The following KIAA0586 variants were observed in gnomAD, a reference collection of about 807,000 sequenced individuals.
KIAA0586 encodes the protein protein TALPID3.
In KIAA0586, 144 loss-of-function variants were observed where a neutral mutation model predicts 169.8. The observed-to-expected ratio is 0.85, with a 90% CI of 0.74 to 0.97. The LOEUF (loss-of-function observed/expected upper bound fraction) is 0.97, where lower values mean the gene tolerates loss of function less well. Ranked by LOEUF, KIAA0586 falls within the 50% of genes least tolerant of loss-of-function variation. The pLI is 0.00. For missense variants in KIAA0586, 1,854 were observed against 1,823.0 expected, an observed-to-expected ratio of 1.02 and a Z score of -0.31; for synonymous variants, 625 against 612.4, an observed-to-expected ratio of 1.02 and a Z score of -0.30.
chr14:58,448,643 T>TA (rs397731357), intron 7 of KIAA0586, 150 bp downstream of exon 7: 4 of 490,126 alleles, frequency 8.2e-6, no homozygotes, highest in Admixed American at 4.0e-5. Context: ...ACAATTTTTT[T>TA]AAATGTTCTT....
At chr14:58,443,277 G>A (rs2038563466) in intron 5 of KIAA0586, among the ~76,000 whole-genome samples, 1 of 152,220 alleles carries the variant, frequency 6.6e-6, no homozygotes, top group Non-Finnish European at 1.5e-5. Context: ...AGTCTAGAAC[G>A]AGTAAGTGAC....
intron 6 of KIAA0586, among the ~76,000 whole-genome samples, chr14:58,447,160 T>C (rs1312769094): frequency 1.3e-5 from 2 of 152,202 alleles, no homozygotes; most frequent in African/African-American, 4.8e-5. Flanking sequence ...GTTCAGTAAA[T>C]GCTTAATGAA....
intron 12 of KIAA0586, among the ~76,000 whole-genome samples, chr14:58,459,464 C>T (rs560831214): frequency 6.6e-6 from 1 of 152,138 alleles, no homozygotes; most frequent in East Asian, 1.9e-4. Context: ...TTATATTTAT[C>T]TCAGTTTTGT....
At chr14:58,502,376 G>A (rs929475069) in intron 27 of KIAA0586, among the ~76,000 whole-genome samples, 137 of 152,116 alleles carry the variant, frequency 9.0e-4, no homozygotes, top group African/African-American at 3.1e-3. Flanking sequence ...CTGACCTCAA[G>A]TGATCCACCC....
chr14:58,445,747 C>T (rs2038830828), intron 6 of KIAA0586, among the ~76,000 whole-genome samples: 1 of 140,972 alleles, frequency 7.1e-6, no homozygotes, highest in Non-Finnish European at 1.5e-5. Context: ...TTTGGAATTT[C>T]TAACTCCTAG....
At chr14:58,553,016 C>T (rs1429599214), downstream of KIAA0586, among the ~76,000 whole-genome samples, 1 of 152,136 alleles carries the variant, frequency 6.6e-6, no homozygotes, top group Non-Finnish European at 1.5e-5. Context: ...TATAGGATTG[C>T]TTGTCAAGCT....
intron 8 of KIAA0586, among the ~76,000 whole-genome samples, chr14:58,452,070 C>A (rs2039437540): frequency 1.3e-5 from 2 of 152,102 alleles, no homozygotes; most frequent in Non-Finnish European, 2.9e-5. Context: ...TAAATGGGAG[C>A]TAAGCTATGA....
Position 58,525,551 on chromosome 14 carries a change from G to A in KIAA0586, c.4429+12924G>A, listed in dbSNP as rs1351629919. On this transcript the variant is annotated intron_variant, in intron 29 of 30. Transcript: ENST00000652326. The stretch of plus-strand genomic sequence containing the variant: ...GCCCAGATACTATGCTTTTCCCATG[G>A]TCTTTGCAACCTGCAGACCAGGAGA... Among the ~76,000 whole-genome samples the A allele has an allele frequency of 9.9e-5, 15 of 152,276 alleles. 1 individual carries two copies. The South Asian group carries it at 3.1e-3, about 32-fold the overall frequency.
intron 4 of KIAA0586, chr14:58,433,075 G>A (rs1482529515): frequency 6.6e-6 from 1 of 152,164 alleles, no homozygotes; most frequent in Non-Finnish European, 1.5e-5. Context: ...TGAATGATAT[G>A]TCTCTTAAGT....
At chr14:58,476,184 A>G (rs1458439969) in intron 19 of KIAA0586, among the ~76,000 whole-genome samples, 1 of 152,196 alleles carries the variant, frequency 6.6e-6, no homozygotes, top group East Asian at 1.9e-4. Context: ...TGCTGAACCT[A>G]GGATTATAGG....
chr14:58,487,959 C>T lies in KIAA0586; in HGVS notation c.3377C>T (p.Ala1126Val), dbSNP rs750969059. 54 of 1,613,562 alleles carry T rather than the reference C, an allele frequency of 3.3e-5. No individual in the cohort carries two copies. In the African/African-American group the frequency reaches 5.2e-4, roughly 16 times the overall value. ...CCTACTACTACACCTCCTCCAGCGG[C>T]GGCAGTTTTTACCCCAACTTTGTCA... ...VTPTTTPPPA[A>V]AVFTPTLSDI... The change falls in exon 23 of 31, where the codon GCG becomes GTG. Residue 1126 changes from alanine to valine, a missense_variant. Ala to Val is a moderately conservative substitution (Grantham distance 64, BLOSUM62 0). Transcript: ENST00000652326.
downstream of KIAA0586, among the ~76,000 whole-genome samples, chr14:58,554,000 T>C (rs904057807): frequency 1.3e-5 from 2 of 152,184 alleles, no homozygotes; most frequent in African/African-American, 4.8e-5. Context: ...GTTGATGGCC[T>C]CACATATCTG....
chr14:58,427,521 T>A, upstream of KIAA0586: 1 of 1,455,636 alleles, frequency 6.9e-7, no homozygotes, highest in African/African-American at 1.4e-5. Context: ...TGTGCGGCAA[T>A]GTGCTACCTT....
downstream of KIAA0586, among the ~76,000 whole-genome samples, chr14:58,555,260 C>T (rs1227423286): frequency 6.6e-6 from 1 of 152,060 alleles, no homozygotes; most frequent in African/African-American, 2.4e-5. Flanking sequence ...ACCACCACGA[C>T]TGGCTAATTT....
rs373485643 is a variant in KIAA0586, at chr14:58,543,086, T to C, written c.4495+2950T>C. Among the ~76,000 whole-genome samples the C allele has an allele frequency of 4.8e-5, 7 of 145,370 alleles. 1 individual carries two copies. Among genetic ancestry groups the C allele is most frequent in the South Asian group, 4.4e-4 (2 of 4,532 alleles). ...GATGGAGCTTGCAGTGAGCCAAGAT[T>C]GCGCCACTGCACTCCAGCCTGGGTG... On this transcript the variant is annotated intron_variant, in intron 30 of 30. Coordinates refer to ENST00000652326, the MANE Select transcript of KIAA0586 (RefSeq NM_001329943.3).
intron 17 of KIAA0586, among the ~76,000 whole-genome samples, chr14:58,470,925 C>T (rs895901872): frequency 6.6e-6 from 1 of 151,850 alleles, no homozygotes; most frequent in African/African-American, 2.4e-5. Flanking sequence ...GATCTCAGCT[C>T]ACTGCAACCT....
At chr14:58,450,225 G>C (rs1308844262) in intron 7 of KIAA0586, among the ~76,000 whole-genome samples, 2 of 152,050 alleles carry the variant, frequency 1.3e-5, no homozygotes, top group African/African-American at 4.8e-5. Context: ...AATTTCATAA[G>C]AGTAAGATTA....
chr14:58,455,982 C>A (rs967398776), intron 9 of KIAA0586, among the ~76,000 whole-genome samples: 1 of 152,124 alleles, frequency 6.6e-6, no homozygotes, highest in African/African-American at 2.4e-5. Context: ...ATCTTGTTTG[C>A]CCCAACTAGT....
chr14:58,450,999 T>G (rs1472950301), intron 8 of KIAA0586, among the ~76,000 whole-genome samples: 1 of 148,720 alleles, frequency 6.7e-6, no homozygotes, highest in Non-Finnish European at 1.5e-5. Flanking sequence ...TTTTTTTTTT[T>G]TTTTTCTGAG....
Sources: gnomAD v4.1 joint callset for allele counts (sites outside exome capture counted in the v4.1 genomes callset) on GRCh38, gnomAD v4.1.1 for gene constraint, MANE v1.5 for transcripts, NCBI Gene and HGNC (gene_info 2026-07-23, HGNC 2026-07-21) for gene names.